CNTLN: variants seen among roughly 807,000 people sequenced by gnomAD.
CNTLN encodes the protein centlein.
CNTLN carries 212 observed loss-of-function variants against 180.0 expected under a neutral mutation model. That is an observed-to-expected ratio of 1.18 (90% CI 1.05 to 1.32). The LOEUF (loss-of-function observed/expected upper bound fraction) is 1.32. CNTLN is among the 40% of genes most tolerant of loss of function. CNTLN has a pLI of 0.00. For synonymous variants in CNTLN, 722 were observed against 563.1 expected (o/e 1.28, Z -3.99); for missense variants, 2,095 against 1,610.9 (o/e 1.30, Z -5.14).
At chr9:17,203,417 C>A (rs1275139032) in intron 2 of CNTLN, among the ~76,000 whole-genome samples, 1 of 152,074 alleles carries the variant, frequency 6.6e-6, no homozygotes, top group Admixed American at 6.6e-5. Flanking sequence ...TGGATAATAT[C>A]CTGAAGTGTG....
At chr9:17,455,783 A>ATGGCAGGCAGGTTTGGGGAG (rs1190782325) in intron 18 of CNTLN, among the ~76,000 whole-genome samples, 2 of 134,590 alleles carry the variant, frequency 1.5e-5, no homozygotes, top group African/African-American at 3.2e-5. Context: ...GGTTTGGGGA[A>ATGGCAGGCAGGTTTGGGGAG]TGGCAGGCAG....
At chr9:17,390,464 G>T (rs995616609) in intron 14 of CNTLN, among the ~76,000 whole-genome samples, 1 of 151,834 alleles carries the variant, frequency 6.6e-6, no homozygotes, top group African/African-American at 2.4e-5. Flanking sequence ...GGCTGGTCTC[G>T]AACCCCTGGG....
chr9:17,325,374 ATGTATGTG>A (rs1458207878), intron 8 of CNTLN, among the ~76,000 whole-genome samples: 32 of 110,638 alleles, frequency 2.9e-4, no homozygotes, highest in African/African-American at 7.3e-4. Context: ...GTGCATGTGT[ATGTATGTG>A]TGTGTGTGTG....
At chr9:17,290,821 A>T (rs1829337827) in intron 6 of CNTLN, among the ~76,000 whole-genome samples, 1 of 152,110 alleles carries the variant, frequency 6.6e-6, no homozygotes, top group African/African-American at 2.4e-5. Context: ...GAACTCCCTG[A>T]TCCCTCGCGC....
chr9:17,509,884 G>T, the CNTLN span, among the ~76,000 whole-genome samples: 1 of 152,148 alleles, frequency 6.6e-6, no homozygotes, highest in African/African-American at 2.4e-5. Flanking sequence ...TCATTGCACT[G>T]GAATTTAAAA....
At chr9:17,233,512 C>G (rs1824940151) in intron 3 of CNTLN, among the ~76,000 whole-genome samples, 2 of 151,950 alleles carry the variant, frequency 1.3e-5, no homozygotes, top group South Asian at 4.1e-4. Flanking sequence ...TTTAATGACC[C>G]ATTACTAGAT....
chr9:17,322,161 T>A (rs1819958771), intron 8 of CNTLN, among the ~76,000 whole-genome samples: 1 of 152,108 alleles, frequency 6.6e-6, no homozygotes, highest in African/African-American at 2.4e-5. Flanking sequence ...CACACAAATA[T>A]ATGGGAAATG....
chr9:17,253,019 G>A (rs1019577771), intron 5 of CNTLN, among the ~76,000 whole-genome samples: 23 of 151,344 alleles, frequency 1.5e-4, no homozygotes, highest in South Asian at 1.2e-3. Flanking sequence ...TTGAAGAGGC[G>A]CTATCCTATT....
At chr9:17,421,654 C>T (rs1828734275) in intron 18 of CNTLN, among the ~76,000 whole-genome samples, 1 of 151,964 alleles carries the variant, frequency 6.6e-6, no homozygotes, top group African/African-American at 2.4e-5. Flanking sequence ...TTCATCCTTC[C>T]TATTTTCCTT....
At chr9:17,350,053 A>G (rs1822231924) in intron 12 of CNTLN, among the ~76,000 whole-genome samples, 1 of 152,224 alleles carries the variant, frequency 6.6e-6, no homozygotes, top group South Asian at 2.1e-4. Context: ...CCAATGCTAA[A>G]TTAGATGAAG....
At chr9:17,263,884 GGGGT>G in intron 5 of CNTLN, among the ~76,000 whole-genome samples, 1 of 138,004 alleles carries the variant, frequency 7.2e-6, no homozygotes. Context: ...ACTTTTTGAT[GGGGT>G]TGTTTGTTTT....
intron 10 of CNTLN, among the ~76,000 whole-genome samples, chr9:17,335,433 C>T (rs899467208): frequency 1.3e-5 from 2 of 152,136 alleles, no homozygotes; most frequent in African/African-American, 4.8e-5. Context: ...AGGAGAATTG[C>T]TTGAACCTAG....
chr9:17,455,279 A>G (rs2134142318), intron 18 of CNTLN, among the ~76,000 whole-genome samples: 1 of 152,252 alleles, frequency 6.6e-6, no homozygotes, highest in African/African-American at 2.4e-5. Context: ...TATACCTAAC[A>G]CTGGAAATAT....
At chr9:17,419,538 C>A (rs1392013349) in intron 18 of CNTLN, among the ~76,000 whole-genome samples, 2 of 152,062 alleles carry the variant, frequency 1.3e-5, no homozygotes, top group African/African-American at 4.8e-5. Context: ...TCAGGTCATA[C>A]ACTATTTAAT....
intron 18 of CNTLN, among the ~76,000 whole-genome samples, chr9:17,443,665 C>T (rs763981412): frequency 3.3e-5 from 5 of 152,082 alleles, no homozygotes; most frequent in Admixed American, 1.3e-4. Flanking sequence ...CATGGGCATT[C>T]ATTGTATTTT....
At chr9:17,292,413 G>GT (rs1330851916) in intron 6 of CNTLN, among the ~76,000 whole-genome samples, 2 of 152,150 alleles carry the variant, frequency 1.3e-5, no homozygotes, top group Non-Finnish European at 2.9e-5. Flanking sequence ...CCTTGGTTCT[G>GT]TTCTCCCCAT....
chr9:17,389,821 T>G (rs1052974293), intron 14 of CNTLN, among the ~76,000 whole-genome samples: 1 of 152,184 alleles, frequency 6.6e-6, no homozygotes, highest in African/African-American at 2.4e-5. Context: ...CACATTTATA[T>G]ATATTAAGAG....
intron 15 of CNTLN, among the ~76,000 whole-genome samples, chr9:17,402,910 T>G (rs1827093951): frequency 6.6e-6 from 1 of 151,724 alleles, no homozygotes; most frequent in African/African-American, 2.4e-5. Context: ...GATATATACG[T>G]GCATGCATAC....
the CNTLN span, among the ~76,000 whole-genome samples, chr9:17,516,770 TCA>T: frequency 1.3e-5 from 2 of 152,126 alleles, no homozygotes; most frequent in Non-Finnish European, 2.9e-5. Flanking sequence ...TGCTGTTTTC[TCA>T]GTTTCCAAGG....
Sources: gnomAD v4.1 joint callset for allele counts (sites outside exome capture counted in the v4.1 genomes callset) on GRCh38, gnomAD v4.1.1 for gene constraint, MANE v1.5 for transcripts, NCBI Gene and HGNC (gene_info 2026-07-23, HGNC 2026-07-21) for gene names.